The following VSTM2B variants were observed in gnomAD, a reference collection of about 807,000 sequenced individuals.
The protein encoded by VSTM2B is V-set and transmembrane domain-containing protein 2B.
In VSTM2B, 24 loss-of-function variants were observed where a neutral mutation model predicts 24.0. The ratio of observed to expected loss-of-function variants is 1.00; its 90% CI spans 0.72 to 1.40. The LOEUF is 1.40. Among genes scored for constraint, VSTM2B ranks in the 40% most tolerant of loss-of-function variants. VSTM2B has a pLI of 0.00. For synonymous variants in VSTM2B, 226 were observed against 194.4 expected (o/e 1.16, Z -1.35); for missense variants, 399 against 416.4 (o/e 0.96, Z 0.36).
Position 29,526,641 on chromosome 19 carries a change from G to T in VSTM2B, c.58G>T (p.Ala20Ser), listed in dbSNP as rs772441189. 2.0e-5 allele frequency: 30 copies of T among 1,530,222 alleles called. No homozygotes were observed. Among genetic ancestry groups the T allele is most frequent in the South Asian group, 3.6e-5 (3 of 82,932 alleles). The allele number at this position is 1,530,222 out of a possible 1,614,324, so 94.8% of individuals were successfully genotyped here. A position where few individuals can be genotyped will look rare whatever the true frequency, so the allele number is the denominator to read the frequency against. Residue 20 changes from alanine to serine, a missense_variant, in exon 1 of 5, where the codon GCC becomes TCC. Ala to Ser is a moderately conservative substitution (Grantham distance 99). Transcript: ENST00000335523. The surrounding 1 kb of genome is among the most constrained non-coding windows in gnomAD (Gnocchi z 4.1). The part of the protein sequence containing the change: ...LGYLPPLLLH[A>S]LLLFVADAAF... The stretch of plus-strand genomic sequence containing the variant: ...ATACCTGCCGCCTCTGCTGCTGCAT[G>T]CCCTGCTGCTCTTCGTGGCCGACGG...
chr19:29,541,283 T>A (rs1018023025), intron 4 of VSTM2B, among the ~76,000 whole-genome samples: 7 of 152,094 alleles, frequency 4.6e-5, no homozygotes, highest in African/African-American at 7.2e-5. Context: ...TGGGATGAAT[T>A]TGATAGATGG....
chr19:29,557,130 C>A (rs1265078953), intron 4 of VSTM2B, among the ~76,000 whole-genome samples: 1 of 152,186 alleles, frequency 6.6e-6, no homozygotes, highest in Admixed American at 6.5e-5. Context: ...TGACTTCAAA[C>A]TATACTACAG....
chr19:29,528,614 T>A (rs1402298907), intron 3 of VSTM2B, among the ~76,000 whole-genome samples, 152 bp downstream of exon 3: 2 of 152,222 alleles, frequency 1.3e-5, no homozygotes, highest in Non-Finnish European at 2.9e-5. Context: ...CTGCTCGGCG[T>A]GTCCGGGCGC....
chr19:29,560,587 C>G (rs1358572293), intron 4 of VSTM2B, among the ~76,000 whole-genome samples: 1 of 152,190 alleles, frequency 6.6e-6, no homozygotes, highest in East Asian at 1.9e-4. Context: ...ACATAGCAGA[C>G]CCTGGGTGAA....
intron 4 of VSTM2B, among the ~76,000 whole-genome samples, chr19:29,536,169 G>A (rs375876546): frequency 5.3e-5 from 8 of 152,274 alleles, no homozygotes; most frequent in Non-Finnish European, 7.4e-5. Flanking sequence ...CCAGCCCCAC[G>A]CTTGCCATAA....
chr19:29,539,919 G>A (rs889079222), intron 4 of VSTM2B, among the ~76,000 whole-genome samples: 13 of 152,224 alleles, frequency 8.5e-5, no homozygotes, highest in African/African-American at 3.1e-4. Flanking sequence ...TCCTGCTGGA[G>A]GCCCACCCAC....
chr19:29,536,102 T>C (rs1969881545), intron 4 of VSTM2B, among the ~76,000 whole-genome samples: 1 of 152,140 alleles, frequency 6.6e-6, no homozygotes, highest in Non-Finnish European at 1.5e-5. Context: ...TCTTACGCCA[T>C]TATCAGCGAC....
At chr19:29,542,726 G>A (rs891075176) in intron 4 of VSTM2B, among the ~76,000 whole-genome samples, 3 of 152,142 alleles carry the variant, frequency 2.0e-5, no homozygotes, top group African/African-American at 7.2e-5. Context: ...GGGTAAGTAG[G>A]TAAAACATGG....
chr19:29,559,161 A>G (rs1361816019), intron 4 of VSTM2B, among the ~76,000 whole-genome samples: 2 of 152,258 alleles, frequency 1.3e-5, no homozygotes, highest in Non-Finnish European at 2.9e-5. Context: ...ACACATGCAC[A>G]CATATGTTTA....
At chr19:29,540,211 C>G (rs1969991385) in intron 4 of VSTM2B, among the ~76,000 whole-genome samples, 1 of 152,248 alleles carries the variant, frequency 6.6e-6, no homozygotes, top group Non-Finnish European at 1.5e-5. Flanking sequence ...TGTATCTGGT[C>G]TGGCCCAGGC....
intron 4 of VSTM2B, among the ~76,000 whole-genome samples, chr19:29,550,515 A>C (rs1435614143): frequency 6.6e-6 from 1 of 152,088 alleles, no homozygotes; most frequent in Non-Finnish European, 1.5e-5. Flanking sequence ...GACACAGAGG[A>C]GGGACCTGTC....
At chr19:29,543,607 G>A (rs1174285196) in intron 4 of VSTM2B, among the ~76,000 whole-genome samples, 1 of 152,198 alleles carries the variant, frequency 6.6e-6, no homozygotes, top group Non-Finnish European at 1.5e-5. Context: ...TGCAGGACAA[G>A]GAGCTGAAGC....
At chr19:29,528,526 C>T in intron 3 of VSTM2B, 64 bp downstream of exon 3, 3 of 1,543,686 alleles carry the variant, frequency 1.9e-6, no homozygotes, top group Non-Finnish European at 2.6e-6. Context: ...TCCCGCAGCT[C>T]CCTCCCTTAG....
intron 4 of VSTM2B, among the ~76,000 whole-genome samples, chr19:29,541,043 G>A (rs1017679459): frequency 1.3e-5 from 2 of 152,216 alleles, no homozygotes; most frequent in African/African-American, 4.8e-5. Flanking sequence ...AAATGCAAAG[G>A]CCTCACAGAA....
rs576991120 is a variant in VSTM2B, at chr19:29,539,606, C to A, written c.769+9316C>A. Among the ~76,000 whole-genome samples, 13 of 152,302 alleles carry A rather than the reference C, an allele frequency of 8.5e-5. No homozygotes were observed. In the East Asian group the frequency reaches 1.9e-3, roughly 23 times the overall value. On this transcript the variant is annotated intron_variant, in intron 4 of 4. Transcript: ENST00000335523. ...TGGGCCTTTTGGGGACTCACGCCAC[C>A]GTTACAGGCTCAGGACATGTGCTGG...
chr19:29,556,193 G>C (rs1318778366), intron 4 of VSTM2B, among the ~76,000 whole-genome samples: 1 of 151,914 alleles, frequency 6.6e-6, no homozygotes, highest in Admixed American at 6.6e-5. Flanking sequence ...CAAATCTAGA[G>C]GCACATCAAA....
chr19:29,539,548 G>C (rs1224116127), intron 4 of VSTM2B, among the ~76,000 whole-genome samples: 5 of 152,176 alleles, frequency 3.3e-5, no homozygotes, highest in South Asian at 2.1e-4. Context: ...GAGAGAGTGA[G>C]AGCCACCTAT....
chr19:29,548,802 A>G (rs1970207103), intron 4 of VSTM2B, among the ~76,000 whole-genome samples: 1 of 152,212 alleles, frequency 6.6e-6, no homozygotes, highest in Non-Finnish European at 1.5e-5. Context: ...GCATGGGGAC[A>G]AAGATAGGAT....
intron 4 of VSTM2B, among the ~76,000 whole-genome samples, chr19:29,535,945 G>C (rs1056757015): frequency 3.9e-5 from 6 of 152,154 alleles, no homozygotes; most frequent in African/African-American, 1.4e-4. Flanking sequence ...TAATTAAGAA[G>C]AAAACAAATC....
Sources: gnomAD v4.1 joint callset for allele counts (sites outside exome capture counted in the v4.1 genomes callset) on GRCh38, gnomAD v4.1.1 for gene constraint, Gnocchi (gnomAD v3.1) non-coding constraint, MANE v1.5 for transcripts, NCBI Gene and HGNC (gene_info 2026-07-23, HGNC 2026-07-21) for gene names.